Variants in BICC1 observed in about 807,000 individuals in gnomAD.
The protein encoded by BICC1 is protein bicaudal C homolog 1.
In BICC1, 43 loss-of-function variants were observed where a neutral mutation model predicts 111.0. The ratio of observed to expected loss-of-function variants is 0.39; its 90% CI spans 0.30 to 0.50. The LOEUF is 0.50. Among genes scored for constraint, BICC1 ranks in the 20% least tolerant of loss-of-function variants. The probability of loss-of-function intolerance (pLI) is 0.88; values close to 1 mark genes in which losing one functional copy is unlikely to be tolerated. For synonymous variants in BICC1, 467 were observed against 434.4 expected (o/e 1.07, Z -0.93); for missense variants, 1,091 against 1,203.2 (o/e 0.91, Z 1.38).
At chr10:58,827,500 A>G (rs959734701) in intron 20 of BICC1, among the ~76,000 whole-genome samples, 2 of 152,204 alleles carry the variant, frequency 1.3e-5, no homozygotes, top group African/African-American at 4.8e-5. Flanking sequence ...CAGATCTTGG[A>G]GAAATTCAGG....
intron 3 of BICC1, among the ~76,000 whole-genome samples, chr10:58,763,132 T>A (rs1423908501): frequency 1.3e-5 from 2 of 152,300 alleles, no homozygotes; most frequent in East Asian, 3.9e-4. Flanking sequence ...TTCTGTCAGA[T>A]CCTCAAAATG....
At chr10:58,705,650 A>G (rs1840365403) in intron 3 of BICC1, among the ~76,000 whole-genome samples, 2 of 152,310 alleles carry the variant, frequency 1.3e-5, no homozygotes, top group African/African-American at 2.4e-5. Context: ...AGGGCATTTT[A>G]GGGAAGTGCA....
chr10:58,710,468 G>A (rs976132746), intron 3 of BICC1, among the ~76,000 whole-genome samples: 48 of 152,174 alleles, frequency 3.2e-4, no homozygotes, highest in African/African-American at 9.7e-4. Context: ...GGTAGGCTAA[G>A]GTTAGCATTT....
intron 1 of BICC1, among the ~76,000 whole-genome samples, chr10:58,518,593 G>GTT (rs764730538): frequency 0.12 from 10,209 of 83,398 alleles, 1,076 homozygotes; most frequent in African/African-American, 0.31. Context: ...TGTGTGTTGG[G>GTT]GGGGGGGGGG....
At chr10:58,586,068 G>T (rs549136290) in intron 1 of BICC1, among the ~76,000 whole-genome samples, 1 of 152,282 alleles carries the variant, frequency 6.6e-6, no homozygotes, top group Non-Finnish European at 1.5e-5. Context: ...ACTGGAAAGT[G>T]ATAGTTTATA....
chr10:58,543,522 T>A (rs1426257467), intron 1 of BICC1, among the ~76,000 whole-genome samples: 1 of 152,100 alleles, frequency 6.6e-6, no homozygotes, highest in South Asian at 2.1e-4. Flanking sequence ...CCCATCCCAC[T>A]TTTTTAGACA....
At position 58,533,577 on chromosome 10, in the gene BICC1, A is replaced by G. The variant is rs1285848944; in HGVS notation, c.190+20244A>G. ...AAAAAAAAACCTGACAATCAAGAAT[A>G]GTATATATGGCAAGACTTTTAAAAG... On this transcript the variant is annotated intron_variant, in intron 1 of 20. Transcript: ENST00000373886. Among the ~76,000 whole-genome samples, 3 of 151,848 alleles carry G rather than the reference A, an allele frequency of 2.0e-5. No individual in the cohort carries two copies. In the South Asian group the frequency reaches 6.2e-4, roughly 31 times the overall value.
chr10:58,754,723 A>G (rs1842091748), intron 3 of BICC1, among the ~76,000 whole-genome samples: 1 of 150,724 alleles, frequency 6.6e-6, no homozygotes, highest in African/African-American at 2.5e-5. Context: ...TCTGTACTGT[A>G]TGGGCTTTAG....
chr10:58,633,133 A>T (rs1837849191), intron 2 of BICC1, among the ~76,000 whole-genome samples: 1 of 152,202 alleles, frequency 6.6e-6, no homozygotes, highest in African/African-American at 2.4e-5. Flanking sequence ...ATAGTGAATA[A>T]GTCTGGGAGA....
chr10:58,588,550 T>A (rs1589122449), intron 1 of BICC1, among the ~76,000 whole-genome samples: 2 of 152,116 alleles, frequency 1.3e-5, no homozygotes, highest in Non-Finnish European at 2.9e-5. Flanking sequence ...ATGCCAGTGA[T>A]GGAGAGGGAA....
At chr10:58,621,897 CT>C (rs1845820382) in intron 2 of BICC1, among the ~76,000 whole-genome samples, 1 of 130,594 alleles carries the variant, frequency 7.7e-6, no homozygotes, top group African/African-American at 2.8e-5. Context: ...GACTTTGTCT[CT>C]AAAATTAGAA....
chr10:58,825,416 T>G lies in BICC1; in HGVS notation c.2795-3345T>G, dbSNP rs142700854. The stretch of plus-strand genomic sequence containing the variant: ...TGAAAAAATTTAAGAAAAAGCTAGA[T>G]ATGTCAAGAACGCATATGTATGAAA... On this transcript the variant is annotated intron_variant, in intron 20 of 20. Coordinates refer to ENST00000373886, the MANE Select transcript of BICC1 (RefSeq NM_001080512.3). Among the ~76,000 whole-genome samples, 644 of 152,302 alleles carry G rather than the reference T, an allele frequency of 4.2e-3. 3 individuals are homozygous for G. The highest frequency in any genetic ancestry group is 0.015 in the African/African-American group (615 of 41,562).
intron 1 of BICC1, among the ~76,000 whole-genome samples, chr10:58,609,717 C>A (rs12244874): frequency 1.3e-5 from 2 of 152,026 alleles, no homozygotes; most frequent in African/African-American, 4.8e-5. Context: ...GTTCACGAGG[C>A]ACATGTGGCC....
At chr10:58,518,290 A>G (rs561926161) in intron 1 of BICC1, among the ~76,000 whole-genome samples, 1 of 152,228 alleles carries the variant, frequency 6.6e-6, no homozygotes, top group African/African-American at 2.4e-5. Flanking sequence ...TGGTGTGTAG[A>G]AAGAAGGTTT....
intron 3 of BICC1, among the ~76,000 whole-genome samples, chr10:58,709,903 G>C (rs921016502): frequency 1.3e-5 from 2 of 152,170 alleles, no homozygotes; most frequent in African/African-American, 4.8e-5. Flanking sequence ...TGAAACTCCG[G>C]TGCCATTCTC....
At chr10:58,538,352 G>A (rs1649072) in intron 1 of BICC1, among the ~76,000 whole-genome samples, 69,795 of 151,596 alleles carry the variant, frequency 0.46, 17,116 homozygotes, top group Admixed American at 0.62. Context: ...TTGGCAAAGC[G>A]TACAAAAACA....
chr10:58,610,838 C>T (rs1002157057), intron 1 of BICC1, among the ~76,000 whole-genome samples: 4 of 151,992 alleles, frequency 2.6e-5, no homozygotes, highest in Admixed American at 2.0e-4. Flanking sequence ...GGATATAACT[C>T]ACAGAGGTTT....
At chr10:58,596,883 A>T (rs1844832436) in intron 1 of BICC1, among the ~76,000 whole-genome samples, 1 of 152,170 alleles carries the variant, frequency 6.6e-6, no homozygotes, top group South Asian at 2.1e-4. Flanking sequence ...ACTATAAACC[A>T]CTGCTCAAGG....
intron 2 of BICC1, among the ~76,000 whole-genome samples, chr10:58,641,272 C>G (rs2132214573): frequency 6.6e-6 from 1 of 152,294 alleles, no homozygotes; most frequent in South Asian, 2.1e-4. Flanking sequence ...TATTCATTAT[C>G]TACTCTGTGT....
Sources: gnomAD v4.1 joint callset for allele counts (sites outside exome capture counted in the v4.1 genomes callset) on GRCh38, gnomAD v4.1.1 for gene constraint, MANE v1.5 for transcripts, NCBI Gene and HGNC (gene_info 2026-07-23, HGNC 2026-07-21) for gene names.